Variants in PDE4A observed in about 807,000 individuals in gnomAD.
PDE4A encodes the protein 3',5'-cyclic-AMP phosphodiesterase 4A.
A neutral mutation model predicts 73.9 loss-of-function variants in PDE4A; 21 were observed. The observed-to-expected ratio is 0.28, with a 90% confidence interval of 0.20 to 0.41. The LOEUF is 0.41. PDE4A is among the 10% of genes least tolerant of loss of function. PDE4A has a pLI of 1.00. For missense variants in PDE4A, 958 were observed against 1,211.4 expected (o/e 0.79, Z 3.10); for synonymous variants, 463 against 505.4 (o/e 0.92, Z 1.13).
At position 10,420,685 on chromosome 19, in the gene PDE4A, C is replaced by T. The variant is rs2042637518; in HGVS notation, c.-80C>T. 1.4e-6 allele frequency: 2 copies of T among 1,384,604 alleles called. No homozygotes were observed. Among genetic ancestry groups the T allele is most frequent in the Non-Finnish European group, 1.9e-6 (2 of 1,079,306 alleles). 85.8% of individuals were successfully genotyped at this position (1,384,604 alleles called of 1,614,324 possible). On this transcript the variant is annotated 5_prime_UTR_variant, in exon 1 of 15. Coordinates refer to ENST00000380702, the MANE Select transcript of PDE4A (RefSeq NM_001111307.2). The surrounding 1 kb of genome is among the most constrained non-coding windows in gnomAD (Gnocchi z 6.0). ...CCGGGCGCACCCGCGGGGCCCTGGG[C>T]TCGCTGGCTTGCGCGCAGCTGAGCG...
intron 1 of PDE4A, among the ~76,000 whole-genome samples, chr19:10,433,577 A>G (rs571599584): frequency 1.3e-5 from 2 of 152,278 alleles, no homozygotes; most frequent in Non-Finnish European, 2.9e-5. Context: ...GGCACCCATG[A>G]GCACCCAGCC....
Position 10,420,977 on chromosome 19 carries a change from G to T in PDE4A, c.213G>T (p.Met71Ile), listed in dbSNP as rs1343236274. ...GGCCCATAGAGCGCGCCGATGCCATGGACACCAGCGACCGGCCCGGCCTGC... is the reference window on the plus strand; with the variant it reads ...GGCCCATAGAGCGCGCCGATGCCATTGACACCAGCGACCGGCCCGGCCTGC... ...PHRPIERADA[M>I]DTSDRPGLRT... Residue 71 changes from methionine (M) to isoleucine (I), a missense_variant, in exon 1 of 15, where the codon ATG (methionine) becomes ATT (isoleucine). By Grantham distance (10) the Met-to-Ile change is conservative. Transcript: ENST00000380702. This position sits in a 1 kb window ranked among gnomAD's most constrained non-coding sequence, Gnocchi z 6.0. 1 of 1,547,098 alleles carries T rather than the reference G, an allele frequency of 6.5e-7. No homozygotes were observed. The highest frequency in any genetic ancestry group is 8.7e-7 in the Non-Finnish European group (1 of 1,155,674).
At chr19:10,423,565 T>G (rs1303771449) in intron 1 of PDE4A, among the ~76,000 whole-genome samples, 1 of 152,208 alleles carries the variant, frequency 6.6e-6, no homozygotes, top group African/African-American at 2.4e-5. Flanking sequence ...ATAAGTGTCT[T>G]GCCCTCTCTG....
chr19:10,426,590 G>T (rs544034048), intron 1 of PDE4A, among the ~76,000 whole-genome samples: 1 of 152,238 alleles, frequency 6.6e-6, no homozygotes, highest in African/African-American at 2.4e-5. Flanking sequence ...CAAGTAAAGG[G>T]CTGGGTGCGG....
rs764656611 is a variant in PDE4A at position 10,467,668 on chromosome 19, C to T, written c.*47C>T. On this transcript the variant is annotated 3_prime_UTR_variant, in exon 15 of 15. Transcript: ENST00000380702. ...TCCCCTCCACTCCTCCCCTCACTCC[C>T]CTGCTCCCCCGACCACCTCCTCCTC... is the stretch of plus-strand genomic sequence containing the variant. 2.8e-6 allele frequency: 4 copies of T among 1,411,484 alleles called. No homozygotes were observed. The South Asian group carries it at 5.6e-5, about 20-fold the overall frequency. The allele number at this position is 1,411,484 out of a possible 1,614,324, so 87.4% of individuals were successfully genotyped here.
At chr19:10,443,228 A>G (rs890854445) in intron 1 of PDE4A, among the ~76,000 whole-genome samples, 8 of 152,068 alleles carry the variant, frequency 5.3e-5, no homozygotes, top group African/African-American at 1.9e-4. Flanking sequence ...TTGTATCCAG[A>G]ATATATAATG....
At chr19:10,443,772 C>T (rs9807913) in intron 1 of PDE4A, among the ~76,000 whole-genome samples, 58,902 of 150,658 alleles carry the variant, frequency 0.39, 11,645 homozygotes, top group East Asian at 0.54. Context: ...TTTGGGAGGC[C>T]GAGGTGGGTG....
chr19:10,462,923 G>C (rs28743772), intron 13 of PDE4A, among the ~76,000 whole-genome samples: 1 of 152,170 alleles, frequency 6.6e-6, no homozygotes, highest in Admixed American at 6.5e-5. Context: ...GCTGGGTGTG[G>C]TGGCTCACGC....
chr19:10,455,808 G>C (rs1389603941), intron 7 of PDE4A, among the ~76,000 whole-genome samples: 1 of 149,886 alleles, frequency 6.7e-6, no homozygotes, highest in Non-Finnish European at 1.5e-5. Flanking sequence ...AAAGCCTCCT[G>C]AACTGAGTAG....
intron 1 of PDE4A, among the ~76,000 whole-genome samples, chr19:10,426,543 C>A (rs536981149): frequency 6.6e-6 from 1 of 152,190 alleles, no homozygotes; most frequent in East Asian, 1.9e-4. Context: ...TCCCTGCTGC[C>A]CTGAAATTGT....
intron 13 of PDE4A, 146 bp from the exon 14 acceptor site, chr19:10,463,647 C>A: frequency 7.1e-7 from 1 of 1,405,112 alleles, no homozygotes; most frequent in Non-Finnish European, 9.5e-7. Context: ...ATGATCCACC[C>A]GCCTCAGCAT....
At chr19:10,441,666 A>G (rs1042552550) in intron 1 of PDE4A, among the ~76,000 whole-genome samples, 2 of 124,670 alleles carry the variant, frequency 1.6e-5, no homozygotes, top group African/African-American at 6.2e-5. Flanking sequence ...ATGTTTAGGT[A>G]TTTGGTCATT....
At chr19:10,418,512 C>T (rs1424796750), upstream of PDE4A, among the ~76,000 whole-genome samples, 1 of 152,092 alleles carries the variant, frequency 6.6e-6, no homozygotes, top group Non-Finnish European at 1.5e-5. Flanking sequence ...CCCCCACCCC[C>T]ATCTACTCAA....
chr19:10,420,596 C>T lies in PDE4A; in HGVS notation c.-169C>T. On this transcript the variant is annotated 5_prime_UTR_variant, in exon 1 of 15. Transcript: ENST00000380702. The surrounding 1 kb of genome is among the most constrained non-coding windows in gnomAD (Gnocchi z 6.0). ...GCCGAAAGGAAGCTGCAGAGCCCGG[C>T]CCGGGGGCGATTGGCCCGCAGCGCC... 2 of 1,292,580 alleles carry T rather than the reference C, an allele frequency of 1.5e-6. No individual in the cohort carries two copies. The highest frequency in any genetic ancestry group is 2.4e-5 in the South Asian group (1 of 40,958). The allele number at this position is 1,292,580 out of a possible 1,614,324, so 80.1% of individuals were successfully genotyped here.
At position 10,467,267 on chromosome 19, in the gene PDE4A, C is replaced by G. The variant is rs200574484; in HGVS notation, c.2307C>G (p.Ser769=). 3.1e-6 allele frequency: 5 copies of G among 1,614,156 alleles called. No homozygotes were observed. The highest frequency in any genetic ancestry group is 4.2e-6 in the Non-Finnish European group (5 of 1,180,026). The change falls in exon 15 of 15, where the codon TCC becomes TCG. Residue 769 remains serine (S), a synonymous_variant. Coordinates refer to ENST00000380702, the MANE Select transcript of PDE4A (RefSeq NM_001111307.2). ...TGGAAGTTATGGCACAGGAAGCATC[C>G]CTGGAGGCCGAGCTGGAGGCAGTGT... ...ESLEVMAQEA[S]LEAELEAVYL... is the part of the protein sequence containing the mutation.
chr19:10,453,228 T>C lies in PDE4A; in HGVS notation c.784-1601T>C, dbSNP rs755695270. The C allele has an allele frequency of 3.8e-6, 6 of 1,596,134 alleles. No individual in the cohort carries two copies. Among genetic ancestry groups the C allele is most frequent in the Non-Finnish European group, 4.3e-6 (5 of 1,171,282 alleles). ...CCCGGGACTCCCCAAGCCCAGCCTC[T>C]GTGTGCAGCAGCCCCAGGCGGGCTA... On this transcript the variant is annotated intron_variant, in intron 6 of 14. Coordinates refer to ENST00000380702, the MANE Select transcript of PDE4A (RefSeq NM_001111307.2). This position sits in a 1 kb window ranked among gnomAD's most constrained non-coding sequence, Gnocchi z 4.6.
Position 10,467,672 on chromosome 19 carries a change from C to G in PDE4A, c.*51C>G. ...CTCCACTCCTCCCCTCACTCCCCTG[C>G]TCCCCCGACCACCTCCTCCTCTGCC... On this transcript the variant is annotated 3_prime_UTR_variant, in exon 15 of 15. Transcript: ENST00000380702. 4 of 1,369,220 alleles carry G rather than the reference C, an allele frequency of 2.9e-6. No homozygotes were observed. Among genetic ancestry groups the G allele is most frequent in the Non-Finnish European group, 4.0e-6 (4 of 1,006,202 alleles). The allele number at this position is 1,369,220 out of a possible 1,614,324, so 84.8% of individuals were successfully genotyped here.
At chr19:10,431,018 T>A (rs769066460) in intron 1 of PDE4A, 2 of 1,578,664 alleles carry the variant, frequency 1.3e-6, no homozygotes, top group African/African-American at 2.8e-5. Context: ...CGTCCCCAAC[T>A]TTCCGCAGAC....
chr19:10,461,441 G>A, intron 11 of PDE4A, 85 bp from the exon 12 acceptor site: 1 of 1,566,768 alleles, frequency 6.4e-7, no homozygotes, highest in Non-Finnish European at 8.6e-7. Flanking sequence ...CTGGGGAGGG[G>A]TTAGCTAGTT....
Sources: allele counts gnomAD v4.1 joint callset (sites outside exome capture counted in the v4.1 genomes callset), GRCh38; gene constraint gnomAD v4.1.1; non-coding constraint Gnocchi (gnomAD v3.1); transcripts MANE v1.5; gene names NCBI Gene and HGNC (gene_info 2026-07-23, HGNC 2026-07-21).